Variants in CACNA1G observed in about 807,000 individuals in gnomAD.
The protein encoded by CACNA1G is calcium voltage-gated channel subunit alpha1 G, also known as voltage-dependent T-type calcium channel subunit alpha-1G.
Under a neutral mutation model 219.4 loss-of-function variants are expected in CACNA1G, and 67 were observed. The observed-to-expected ratio is 0.31, with a 90% confidence interval of 0.25 to 0.37. CACNA1G has a LOEUF of 0.37. CACNA1G is among the 10% of genes least tolerant of loss of function. The pLI is 1.00. For missense variants in CACNA1G, 2,380 were observed against 3,231.4 expected, an observed-to-expected ratio of 0.74 and a Z score of 6.39; for synonymous variants, 1,296 against 1,345.3, an observed-to-expected ratio of 0.96 and a Z score of 0.80.
intron 1 of CACNA1G, chr17:50,562,013 G>T (rs888619038): frequency 1.8e-5 from 6 of 341,462 alleles, no homozygotes; most frequent in African/African-American, 1.3e-4. Context: ...ACGCCCTCCA[G>T]ATGTGGTCAG....
At chr17:50,607,712 C>A in intron 24 of CACNA1G, 115 bp from the exon 25 acceptor site, 1 of 809,642 alleles carries the variant, frequency 1.2e-6, no homozygotes, top group Non-Finnish European at 2.1e-6. Context: ...TCATTTCCAT[C>A]GCCTGTCAGG....
At position 50,561,281 on chromosome 17, in the gene CACNA1G, C is replaced by A; in HGVS notation, c.-179C>A. 1.5e-6 allele frequency: 1 copy of A among 651,484 alleles called. No homozygotes were observed. The highest frequency in any genetic ancestry group is 2.5e-6 in the Non-Finnish European group (1 of 402,010). 40.4% of individuals were successfully genotyped at this position (651,484 alleles called of 1,614,324 possible). A position where few individuals can be genotyped will look rare whatever the true frequency, so the allele number is the denominator to read the frequency against. On this transcript the variant is annotated 5_prime_UTR_variant, in exon 1 of 38. Transcript: ENST00000359106. ...TCCCTGCGCCCCGGCGCCCCGCGGGCAGCATGCCCCTGCGGGCAGGGGGAG... is the reference window on the plus strand; with the variant it reads ...TCCCTGCGCCCCGGCGCCCCGCGGGAAGCATGCCCCTGCGGGCAGGGGGAG...
At chr17:50,594,954 T>C in intron 13 of CACNA1G, 39 bp from the exon 14 acceptor site, 1 of 1,522,204 alleles carries the variant, frequency 6.6e-7, no homozygotes, top group Non-Finnish European at 8.9e-7. Flanking sequence ...CGAGCGCCTG[T>C]GACCAGCAGC....
chr17:50,588,727 C>T (rs1287183262), intron 9 of CACNA1G, among the ~76,000 whole-genome samples: 1 of 152,110 alleles, frequency 6.6e-6, no homozygotes, highest in African/African-American at 2.4e-5. Context: ...GCCACTCCCC[C>T]TCTGCATAGC....
intron 13 of CACNA1G, 136 bp downstream of exon 13, chr17:50,592,228 G>A: frequency 2.2e-6 from 2 of 890,030 alleles, no homozygotes; most frequent in Non-Finnish European, 3.3e-6. Context: ...CTTAGACTAA[G>A]CCGGGGTGGA....
intron 23 of CACNA1G, chr17:50,606,532 G>T (rs2048003967): frequency 3.6e-6 from 2 of 558,834 alleles, no homozygotes; most frequent in Admixed American, 6.5e-5. Flanking sequence ...CGGATATATT[G>T]TCAAGATAAT....
intron 26 of CACNA1G, among the ~76,000 whole-genome samples, chr17:50,614,866 A>G (rs1424965661): frequency 1.3e-5 from 2 of 152,088 alleles, no homozygotes; most frequent in African/African-American, 2.4e-5. Context: ...CCAATTTCCA[A>G]TCTCCGGTTT....
chr17:50,619,675 C>A lies in CACNA1G; in HGVS notation c.5782-8C>A. On this transcript the variant is annotated splice_polypyrimidine_tract_variant and splice_region_variant and intron_variant, in intron 33 of 37. Coordinates refer to ENST00000359106, the MANE Select transcript of CACNA1G (RefSeq NM_018896.5). Reference sequence around the variant, plus strand: ...CTCTCCGGCTCCCCTTACGGGCTGGCTCCCCAGGACAGGCAGCTGTTTGAC... The same window carrying A: ...CTCTCCGGCTCCCCTTACGGGCTGGATCCCCAGGACAGGCAGCTGTTTGAC... The A allele has an allele frequency of 1.2e-6, 2 of 1,607,524 alleles. No individual in the cohort carries two copies. Among genetic ancestry groups the A allele is most frequent in the South Asian group, 1.1e-5 (1 of 89,968 alleles).
rs916357401 is a variant in CACNA1G at position 50,620,984 on chromosome 17, C to G, written c.5926-676C>G. Among the ~76,000 whole-genome samples the G allele has an allele frequency of 2.3e-4, 35 of 152,218 alleles. 1 individual carries two copies. The highest frequency in any genetic ancestry group is 1.7e-4 in the African/African-American group (7 of 41,460). ...ACCCCCTGGGTCCCAGGTGAGCCAG[C>G]CAGATGGTGTGGCAGCCCACCCGAG... On this transcript the variant is annotated intron_variant, in intron 34 of 37. Coordinates refer to ENST00000359106, the MANE Select transcript of CACNA1G (RefSeq NM_018896.5).
Position 50,578,642 on chromosome 17 carries a change from CCCT to C in CACNA1G, c.2301+85_2301+87del. On this transcript the variant is annotated intron_variant, in intron 9 of 37. Coordinates refer to ENST00000359106, the MANE Select transcript of CACNA1G (RefSeq NM_018896.5). This position sits in a 1 kb window ranked among gnomAD's most constrained non-coding sequence, Gnocchi z 4.5. Reference sequence around the variant, plus strand: ...TGGGGCCTTCTACCTCCCTCCGCACCCCTCCTCCTGAGCTCAGCTTCCTCTCCA... The same window carrying C: ...TGGGGCCTTCTACCTCCCTCCGCACCCCTCCTGAGCTCAGCTTCCTCTCCA... The C allele has an allele frequency of 3.6e-6, 5 of 1,401,976 alleles. No homozygotes were observed. Among genetic ancestry groups the C allele is most frequent in the Non-Finnish European group, 4.8e-6 (5 of 1,044,952 alleles). 86.8% of individuals were successfully genotyped at this position (1,401,976 alleles called of 1,614,324 possible).
Position 50,618,391 on chromosome 17 carries a change from C to G in CACNA1G, c.5427+48C>G. The G allele has an allele frequency of 6.2e-7, 1 of 1,600,722 alleles. No individual in the cohort carries two copies. The highest frequency in any genetic ancestry group is 1.1e-5 in the South Asian group (1 of 90,350). ...GGCTCCAGGGAGGCAGCCCCACTTC[C>G]TGAGCTAGGATTCCTTGGGAAGATG... is the stretch of plus-strand genomic sequence containing the variant. On this transcript the variant is annotated intron_variant, in intron 32 of 37. Transcript: ENST00000359106. This position sits in a 1 kb window ranked among gnomAD's most constrained non-coding sequence, Gnocchi z 5.3.
chr17:50,591,959 A>G lies in CACNA1G; in HGVS notation c.2777A>G (p.Asn926Ser). ...CAGATCCTGACCCAGGAGGACTGGA[A>G]CAAAGTCCTCTACAATGGTATGGCC... ...VFQILTQEDWNKVLYNGMAST... is the reference protein window; with the variant it reads ...VFQILTQEDWSKVLYNGMAST... The change falls in exon 13 of 38, where the codon AAC (asparagine) becomes AGC (serine). Residue 926 changes from asparagine to serine, a missense_variant. Transcript: ENST00000359106. 1 of 1,614,016 alleles carries G rather than the reference A, an allele frequency of 6.2e-7. No individual in the cohort carries two copies. Among genetic ancestry groups the G allele is most frequent in the Non-Finnish European group, 8.5e-7 (1 of 1,179,868 alleles).
intron 9 of CACNA1G, among the ~76,000 whole-genome samples, chr17:50,589,440 G>T (rs1287063870): frequency 6.6e-6 from 1 of 152,174 alleles, no homozygotes; most frequent in Non-Finnish European, 1.5e-5. Context: ...TGGTTATTCA[G>T]CCGTTTTGTG....
Position 50,617,327 on chromosome 17 carries a change from G to A in CACNA1G, c.5022-111G>A. The A allele has an allele frequency of 8.2e-7, 1 of 1,226,174 alleles. No homozygotes were observed. The highest frequency in any genetic ancestry group is 1.1e-6 in the Non-Finnish European group (1 of 888,216). The allele number at this position is 1,226,174 out of a possible 1,614,324, so 76.0% of individuals were successfully genotyped here. On this transcript the variant is annotated intron_variant, in intron 28 of 37. Transcript: ENST00000359106. The surrounding 1 kb of genome is among the most constrained non-coding windows in gnomAD (Gnocchi z 5.8). Reference sequence around the variant, plus strand: ...CTCTTCTCTGTGGGATGGGAGGCTGGACCCGCTGATGTCTGCCCTCCTTTC... The same window carrying A: ...CTCTTCTCTGTGGGATGGGAGGCTGAACCCGCTGATGTCTGCCCTCCTTTC...
At chr17:50,582,472 G>A (rs1333521721) in intron 9 of CACNA1G, among the ~76,000 whole-genome samples, 1 of 152,160 alleles carries the variant, frequency 6.6e-6, no homozygotes, top group Non-Finnish European at 1.5e-5. Context: ...TTCTACCTGG[G>A]GTGGGAGCAA....
At chr17:50,624,854 A>C (rs1383223195) in intron 37 of CACNA1G, among the ~76,000 whole-genome samples, 2 of 151,826 alleles carry the variant, frequency 1.3e-5, no homozygotes, top group Non-Finnish European at 2.9e-5. Flanking sequence ...GCTGCCTCCC[A>C]ATTCTTCTCC....
At chr17:50,619,127 C>T (rs955066495) in intron 33 of CACNA1G, 119 bp downstream of exon 33, 2 of 765,474 alleles carry the variant, frequency 2.6e-6, no homozygotes, top group African/African-American at 1.7e-5. Context: ...GAGGCTCCCG[C>T]CCTCCGTCCT....
In CACNA1G at chr17:50,603,714, AT is replaced by A. The variant is rs113689848; in HGVS notation, c.4170-429del. On this transcript the variant is annotated intron_variant, in intron 21 of 37. Transcript: ENST00000359106. This position sits in a 1 kb window ranked among gnomAD's most constrained non-coding sequence, Gnocchi z 6.4. ...CAGCCAGTCACCACCCCCAACTCAG[AT>A]TTTTTTTTTTTAATAGGGATGATGT... Among the ~76,000 whole-genome samples, 136 of 142,318 alleles carry A rather than the reference AT, an allele frequency of 9.6e-4. No individual in the cohort carries two copies. Among genetic ancestry groups the A allele is most frequent in the Middle Eastern group, 3.7e-3 (1 of 272 alleles). 93.4% of individuals were successfully genotyped at this position (142,318 alleles called of 152,430 possible).
chr17:50,581,480 C>G (rs1380208752), intron 9 of CACNA1G, among the ~76,000 whole-genome samples: 3 of 152,118 alleles, frequency 2.0e-5, no homozygotes, highest in Non-Finnish European at 4.4e-5. Context: ...CACCGCTGCC[C>G]TCCCCAGGCC....
Sources: gnomAD v4.1 joint callset for allele counts (sites outside exome capture counted in the v4.1 genomes callset) on GRCh38, gnomAD v4.1.1 for gene constraint, Gnocchi (gnomAD v3.1) non-coding constraint, MANE v1.5 for transcripts, NCBI Gene and HGNC (gene_info 2026-07-23, HGNC 2026-07-21) for gene names.